TANC2: variants seen among roughly 807,000 people sequenced by gnomAD.
The protein encoded by TANC2 is protein TANC2.
Under a neutral mutation model 210.5 loss-of-function variants are expected in TANC2, and 26 were observed. The ratio of observed to expected loss-of-function variants is 0.12; its 90% confidence interval spans 0.09 to 0.17. The LOEUF (loss-of-function observed/expected upper bound fraction) is 0.17. Among genes scored for constraint, TANC2 ranks in the 10% least tolerant of loss-of-function variants. TANC2 has a pLI of 1.00. For missense variants in TANC2, 2,129 were observed against 2,608.9 expected, an observed-to-expected ratio of 0.82 and a Z score of 4.01; for synonymous variants, 931 against 967.1, an observed-to-expected ratio of 0.96 and a Z score of 0.69.
At chr17:63,330,720 CACA>C (rs1389362365) in intron 11 of TANC2, among the ~76,000 whole-genome samples, 2 of 152,036 alleles carry the variant, frequency 1.3e-5, no homozygotes, top group Non-Finnish European at 2.9e-5. Flanking sequence ...AATTTATAGC[CACA>C]ACAAGAGCCT....
chr17:63,287,714 CACCCAAGCTAG>C (rs2044269383), intron 9 of TANC2, among the ~76,000 whole-genome samples: 1 of 150,084 alleles, frequency 6.7e-6, no homozygotes, highest in African/African-American at 2.5e-5. Context: ...GAGTCTCTGT[CACCCAAGCTAG>C]AGTGCAGTGG....
chr17:63,427,193 C>T (rs2049166439), exon 28 of TANC2: 2 of 152,272 alleles, frequency 1.3e-5, no homozygotes, highest in Admixed American at 6.5e-5. Flanking sequence ...ATCTTTGTCT[C>T]TGTTCTGTCT....
chr17:63,335,753 A>G (rs762641395), intron 11 of TANC2, among the ~76,000 whole-genome samples: 8 of 152,118 alleles, frequency 5.3e-5, no homozygotes, highest in Non-Finnish European at 1.2e-4. Context: ...ATAGTGGAAA[A>G]ACTGTAAAAT....
chr17:63,365,806 C>T (rs2047093455), intron 14 of TANC2, among the ~76,000 whole-genome samples: 1 of 152,030 alleles, frequency 6.6e-6, no homozygotes, highest in African/African-American at 2.4e-5. Context: ...TTAAATGCCA[C>T]CTCCTCAGAA....
chr17:63,343,172 A>G (rs749185711), intron 12 of TANC2, among the ~76,000 whole-genome samples: 1 of 149,546 alleles, frequency 6.7e-6, no homozygotes, highest in African/African-American at 2.6e-5. Flanking sequence ...ATTAAAAGGT[A>G]GAAACTGTCA....
At chr17:63,231,282 G>A in intron 7 of TANC2, among the ~76,000 whole-genome samples, 1 of 152,154 alleles carries the variant, frequency 6.6e-6, no homozygotes. Flanking sequence ...TGCTGTGTGT[G>A]AATTTGATCC....
At chr17:63,060,544 C>T (rs1393435865) in intron 2 of TANC2, among the ~76,000 whole-genome samples, 1 of 152,120 alleles carries the variant, frequency 6.6e-6, no homozygotes, top group African/African-American at 2.4e-5. Context: ...TCACTTGCAC[C>T]AGGAGGCAGA....
chr17:63,306,058 T>C (rs995661449), intron 9 of TANC2, among the ~76,000 whole-genome samples: 1 of 149,682 alleles, frequency 6.7e-6, no homozygotes, highest in African/African-American at 2.6e-5. Flanking sequence ...TGACGTAATG[T>C]GGTCATTGTA....
At chr17:63,065,591 A>G (rs1352815693) in intron 2 of TANC2, among the ~76,000 whole-genome samples, 1 of 152,110 alleles carries the variant, frequency 6.6e-6, no homozygotes. Flanking sequence ...TGTCTTATTA[A>G]TTATGTATGA....
At chr17:63,220,711 A>ATATATATATATATATATATAT (rs1466658581) in intron 7 of TANC2, among the ~76,000 whole-genome samples, 1 of 128,740 alleles carries the variant, frequency 7.8e-6, no homozygotes, top group Non-Finnish European at 1.7e-5. Flanking sequence ...CTCAAAAAAA[A>ATATATATATATATATATATAT]AAAAAAAAAT....
rs1312947720 is a variant in TANC2 at position 63,237,807 on chromosome 17, T to G, written c.770-7T>G. On this transcript the variant is annotated splice_polypyrimidine_tract_variant and splice_region_variant and intron_variant, in intron 7 of 27. Transcript: ENST00000689528. The stretch of plus-strand genomic sequence containing the variant: ...TTATTAAATTCATTTTACTCTTTTT[T>G]TTTCAGCTACATTAACAAGCTATTC... The G allele has an allele frequency of 1.3e-6, 2 of 1,534,060 alleles. No individual in the cohort carries two copies. The highest frequency in any genetic ancestry group is 4.3e-5 in the Admixed American group (2 of 46,800).
chr17:63,257,684 T>C (rs1168639858), intron 8 of TANC2, among the ~76,000 whole-genome samples: 1 of 152,222 alleles, frequency 6.6e-6, no homozygotes, highest in Non-Finnish European at 1.5e-5. Context: ...ATAACCCATT[T>C]ATTTCAAACT....
intron 14 of TANC2, 38 bp from the exon 15 acceptor site, chr17:63,379,680 A>AAATT (rs746590060): frequency 6.8e-7 from 1 of 1,477,274 alleles, no homozygotes; most frequent in East Asian, 2.4e-5. Context: ...ATAAATAAAT[A>AAATT]AATTAATTAA....
rs7207661 is a variant in TANC2 at position 63,311,196 on chromosome 17, T to C, written c.1160-3192T>C. On this transcript the variant is annotated intron_variant, in intron 9 of 27. Coordinates refer to ENST00000689528, the Ensembl canonical transcript of TANC2. ...AAGGCTATTTCATTGTTAGCTGTGA[T>C]TATAACAGTGGAAAACCAAAATAAT... 1.1e-3 allele frequency among the ~76,000 whole-genome samples: 166 copies of C among 152,318 alleles called. 1 individual carries two copies. The highest frequency in any genetic ancestry group is 3.8e-3 in the African/African-American group (159 of 41,576).
chr17:63,355,147 C>T (rs759208072), exon 14 of TANC2: 1 of 1,613,878 alleles, frequency 6.2e-7, no homozygotes, highest in Non-Finnish European at 8.5e-7. Flanking sequence ...CGGGTGATGC[C>T]TCTCCTGAAT....
At chr17:63,186,774 G>A (rs946617073) in intron 5 of TANC2, among the ~76,000 whole-genome samples, 4 of 152,106 alleles carry the variant, frequency 2.6e-5, no homozygotes, top group South Asian at 2.1e-4. Context: ...AGCCTAATGC[G>A]TAAACACACT....
intron 11 of TANC2, among the ~76,000 whole-genome samples, chr17:63,325,002 A>G (rs558462266): frequency 1.4e-5 from 2 of 140,254 alleles, no homozygotes; most frequent in East Asian, 4.2e-4. Flanking sequence ...AAAAATTGTA[A>G]TGAAAGGACC....
chr17:63,083,364 C>G lies in TANC2; in HGVS notation c.139+9350C>G, dbSNP rs185102741. Among the ~76,000 whole-genome samples the G allele has an allele frequency of 6.5e-3, 986 of 152,296 alleles. 9 individuals are homozygous for G. Among genetic ancestry groups the G allele is most frequent in the Non-Finnish European group, 0.01 (702 of 68,038 alleles). Reference sequence around the variant, plus strand: ...TGGGATAAGAGAAAAAGATTCCCTTCTCTCAGACTTCAGGTGCTTGCCCAG... The same window carrying G: ...TGGGATAAGAGAAAAAGATTCCCTTGTCTCAGACTTCAGGTGCTTGCCCAG... On this transcript the variant is annotated intron_variant, in intron 3 of 27. Coordinates refer to ENST00000689528, the Ensembl canonical transcript of TANC2.
intron 3 of TANC2, among the ~76,000 whole-genome samples, chr17:63,091,113 C>G (rs1354669876): frequency 6.6e-6 from 1 of 151,718 alleles, no homozygotes; most frequent in Non-Finnish European, 1.5e-5. Context: ...GATATTAGCC[C>G]TTTGTCAGAT....
Sources: allele counts gnomAD v4.1 joint callset (sites outside exome capture counted in the v4.1 genomes callset), GRCh38; gene constraint gnomAD v4.1.1; transcripts MANE v1.5; gene names NCBI Gene and HGNC (gene_info 2026-07-23, HGNC 2026-07-21).